The following GLMN variants were observed in gnomAD, a reference collection of about 807,000 sequenced individuals.
GLMN encodes the protein glomulin.
A neutral mutation model predicts 87.8 loss-of-function variants in GLMN; 75 were observed. The ratio of observed to expected loss-of-function variants is 0.85; its 90% CI spans 0.71 to 1.04. The LOEUF (loss-of-function observed/expected upper bound fraction) is 1.04, where lower values mean the gene tolerates loss of function less well. Among genes scored for constraint, GLMN ranks in the 50% least tolerant of loss-of-function variants. The probability of loss-of-function intolerance (pLI) is 0.00; values close to 1 mark genes in which losing one functional copy is unlikely to be tolerated. For missense variants in GLMN, 588 were observed against 658.8 expected (o/e 0.89, Z 1.18); for synonymous variants, 206 against 221.6 (o/e 0.93, Z 0.63).
chr1:92,259,051 T>C (rs537380269), intron 16 of GLMN, among the ~76,000 whole-genome samples: 1 of 152,350 alleles, frequency 6.6e-6, no homozygotes, highest in African/African-American at 2.4e-5. Flanking sequence ...GATATTTACC[T>C]GTGGCCTTTG....
At chr1:92,336,520 A>T in the GLMN span, 1 of 797,714 alleles carries the variant, frequency 1.3e-6, no homozygotes, top group Non-Finnish European at 2.1e-6. Flanking sequence ...TAAGTGACTT[A>T]CCTTTCAATG....
At chr1:92,256,793 A>G (rs1186666519) in intron 16 of GLMN, among the ~76,000 whole-genome samples, 1 of 152,212 alleles carries the variant, frequency 6.6e-6, no homozygotes, top group African/African-American at 2.4e-5. Flanking sequence ...CCCACAGCCA[A>G]TATCATACTG....
intron 16 of GLMN, among the ~76,000 whole-genome samples, chr1:92,255,445 CA>C (rs766243514): frequency 5.9e-5 from 9 of 152,218 alleles, no homozygotes; most frequent in African/African-American, 9.6e-5. Flanking sequence ...CCCAAATCAA[CA>C]GAAGATACAT....
chr1:92,331,163 T>C, the GLMN span, among the ~76,000 whole-genome samples: 1 of 152,224 alleles, frequency 6.6e-6, no homozygotes, highest in African/African-American at 2.4e-5. Context: ...TTGTTATGTC[T>C]TCCTGGTGAA....
chr1:92,349,395 GATAC>G, the GLMN span, among the ~76,000 whole-genome samples: 1 of 152,034 alleles, frequency 6.6e-6, no homozygotes, highest in African/African-American at 2.4e-5. Context: ...CTTAGAAGAG[GATAC>G]ATACATACAC....
the GLMN span, among the ~76,000 whole-genome samples, chr1:92,309,295 A>T: frequency 2.6e-4 from 39 of 152,006 alleles, no homozygotes; most frequent in Non-Finnish European, 5.1e-4. Flanking sequence ...TACAAAAATT[A>T]GCTGGACGTG....
chr1:92,295,653 T>C (rs1299381111), intron 3 of GLMN, among the ~76,000 whole-genome samples: 2 of 152,184 alleles, frequency 1.3e-5, no homozygotes, highest in South Asian at 2.1e-4. Context: ...CATACAGCAC[T>C]AACCAGAGGT....
intron 6 of GLMN, among the ~76,000 whole-genome samples, chr1:92,287,179 G>A (rs933012955): frequency 9.2e-5 from 14 of 152,140 alleles, no homozygotes; most frequent in Admixed American, 6.6e-5. Flanking sequence ...GCTAGTCTAT[G>A]ATGTTGTTTT....
chr1:92,335,147 T>C, the GLMN span, among the ~76,000 whole-genome samples: 4 of 151,880 alleles, frequency 2.6e-5, no homozygotes, highest in Non-Finnish European at 5.9e-5. Context: ...TAATTTACAT[T>C]CCCACCAACA....
At chr1:92,292,732 C>CT (rs1177905555) in intron 3 of GLMN, among the ~76,000 whole-genome samples, 1,463 of 119,662 alleles carry the variant, frequency 0.012, 21 homozygotes, top group African/African-American at 0.037. Flanking sequence ...CTTTTCTTTT[C>CT]TTTTTTTTTT....
intron 4 of GLMN, among the ~76,000 whole-genome samples, 172 bp from the exon 5 acceptor site, chr1:92,290,478 T>C (rs953743825): frequency 1.3e-5 from 2 of 152,204 alleles, no homozygotes; most frequent in African/African-American, 2.4e-5. Flanking sequence ...AAACACAGAA[T>C]CTGTGATGGT....
the GLMN span, among the ~76,000 whole-genome samples, chr1:92,343,284 A>G: frequency 1.3e-5 from 2 of 152,224 alleles, no homozygotes; most frequent in Admixed American, 1.3e-4. Flanking sequence ...TGGATTTGGC[A>G]GTATGGCTGT....
chr1:92,287,467 A>G (rs1294610347), intron 6 of GLMN, among the ~76,000 whole-genome samples: 1 of 152,062 alleles, frequency 6.6e-6, no homozygotes, highest in East Asian at 1.9e-4. Context: ...CAGCCTCCCA[A>G]GTAGCTGGGA....
At chr1:92,247,421 T>C (rs1652836548) in intron 17 of GLMN, among the ~76,000 whole-genome samples, 1 of 152,212 alleles carries the variant, frequency 6.6e-6, no homozygotes, top group Admixed American at 6.5e-5. Flanking sequence ...ATCAGAATTA[T>C]AGCCATTATA....
chr1:92,307,626 G>T, the GLMN span, among the ~76,000 whole-genome samples: 160 of 152,196 alleles, frequency 1.1e-3, no homozygotes, highest in Middle Eastern at 0.01. Context: ...TAGGATCCAG[G>T]TGAACTCTGC....
Position 92,286,502 on chromosome 1 carries a change from T to C in GLMN, c.723A>G (p.Ala241=). Residue 241 remains alanine (A), a synonymous_variant, in exon 7 of 19, where the codon GCA becomes GCG. Transcript: ENST00000370360. ...EGGNDPFRYF[A]SEIIGFLSAI... ...TAGCTGTACTTACTATTATTTCTGA[T>C]GCAAAATACCTGAAAGGATCATTTC... 6.5e-7 allele frequency: 1 copy of C among 1,528,874 alleles called. No homozygotes were observed. The highest frequency in any genetic ancestry group is 9.1e-7 in the Non-Finnish European group (1 of 1,102,430). 94.7% of individuals were successfully genotyped at this position (1,528,874 alleles called of 1,614,324 possible). A position where few individuals can be genotyped will look rare whatever the true frequency, so the allele number is the denominator to read the frequency against.
chr1:92,356,469 G>T, the GLMN span, among the ~76,000 whole-genome samples: 1 of 151,832 alleles, frequency 6.6e-6, no homozygotes, highest in Non-Finnish European at 1.5e-5. Context: ...CCAGGCTGCA[G>T]TACAGGTGAC....
In GLMN at chr1:92,267,929, A is replaced by G; in HGVS notation, c.1082T>C (p.Phe361Ser). The G allele has an allele frequency of 6.8e-7, 1 of 1,473,026 alleles. No homozygotes were observed. Among genetic ancestry groups the G allele is most frequent in the Non-Finnish European group, 9.5e-7 (1 of 1,051,406 alleles). The allele number at this position is 1,473,026 out of a possible 1,614,324, so 91.2% of individuals were successfully genotyped here. A position where few individuals can be genotyped will look rare whatever the true frequency, so the allele number is the denominator to read the frequency against. The part of the protein sequence containing the change: ...LLYQYLEIKS[F>S]LTVPQGLVKV... ...TTTATTTACCTGAGGTACAGTAAGA[A>G]AACTCTTGATTTCTAAGTACTGGTA... The change falls in exon 11 of 19, where the codon TTT becomes TCT. Residue 361 changes from phenylalanine to serine, a missense_variant. By Grantham distance (155) the Phe-to-Ser change is radical. Transcript: ENST00000370360.
At chr1:92,275,078 A>T (rs1278853498) in intron 7 of GLMN, among the ~76,000 whole-genome samples, 1 of 152,344 alleles carries the variant, frequency 6.6e-6, no homozygotes, top group Middle Eastern at 3.4e-3. Context: ...ACAGACTGTT[A>T]CCACTATAGT....
Sources: gnomAD v4.1 joint callset for allele counts (sites outside exome capture counted in the v4.1 genomes callset) on GRCh38, gnomAD v4.1.1 for gene constraint, MANE v1.5 for transcripts, NCBI Gene and HGNC (gene_info 2026-07-23, HGNC 2026-07-21) for gene names.